The following PRIMA1 variants were observed in gnomAD, a reference collection of about 807,000 sequenced individuals.
PRIMA1 encodes the protein proline rich membrane anchor 1.
PRIMA1 carries 7 observed loss-of-function variants against 17.5 expected under a neutral mutation model. The ratio of observed to expected loss-of-function variants is 0.40; its 90% CI spans 0.23 to 0.75. The LOEUF (loss-of-function observed/expected upper bound fraction) is 0.75, where lower values mean the gene tolerates loss of function less well. Ranked by LOEUF, PRIMA1 falls within the 30% of genes least tolerant of loss-of-function variation. PRIMA1 has a pLI of 0.37. For synonymous variants in PRIMA1, 97 were observed against 77.9 expected (o/e 1.25, Z -1.29); for missense variants, 200 against 201.8 (o/e 0.99, Z 0.05).
intron 3 of PRIMA1, among the ~76,000 whole-genome samples, chr14:93,741,528 AGT>A (rs1190566104): frequency 6.6e-6 from 1 of 152,250 alleles, no homozygotes; most frequent in Non-Finnish European, 1.5e-5. Context: ...GGTGCCTGGC[AGT>A]GTGCTGGGAT....
At chr14:93,725,223 T>C (rs1381562730) in intron 4 of PRIMA1, among the ~76,000 whole-genome samples, 4 of 150,846 alleles carry the variant, frequency 2.7e-5, no homozygotes, top group Admixed American at 1.3e-4. Flanking sequence ...GCTCGGCACC[T>C]GTGGCAGGTA....
At chr14:93,749,141 C>G (rs1199635867) in intron 3 of PRIMA1, among the ~76,000 whole-genome samples, 1 of 152,192 alleles carries the variant, frequency 6.6e-6, no homozygotes, top group African/African-American at 2.4e-5. Context: ...TGTCCTGGCC[C>G]TTGGTCCCCT....
chr14:93,752,790 A>G (rs2076268372), intron 3 of PRIMA1, among the ~76,000 whole-genome samples: 1 of 152,166 alleles, frequency 6.6e-6, no homozygotes, highest in South Asian at 2.1e-4. Context: ...TGGCACTGTC[A>G]TCGAAGCCCT....
At chr14:93,779,558 G>A (rs1885322308) in intron 2 of PRIMA1, among the ~76,000 whole-genome samples, 1 of 152,168 alleles carries the variant, frequency 6.6e-6, no homozygotes, top group South Asian at 2.1e-4. Context: ...CAAGTGACCT[G>A]GATATGAATG....
At chr14:93,761,182 C>T (rs1183511324) in intron 3 of PRIMA1, among the ~76,000 whole-genome samples, 2 of 151,960 alleles carry the variant, frequency 1.3e-5, no homozygotes, top group Non-Finnish European at 2.9e-5. Context: ...CCTGTCTCTA[C>T]TAAAAATACA....
chr14:93,771,572 AC>A (rs1476106711), intron 3 of PRIMA1, among the ~76,000 whole-genome samples: 1 of 152,164 alleles, frequency 6.6e-6, no homozygotes, highest in African/African-American at 2.4e-5. Context: ...CCAAGCAGGG[AC>A]CTCCAGGTGG....
chr14:93,726,728 CAT>C lies in PRIMA1; in HGVS notation c.360-5184_360-5183del, dbSNP rs916197302. Among the ~76,000 whole-genome samples, 12 of 152,144 alleles carry C rather than the reference CAT, an allele frequency of 7.9e-5. No individual in the cohort carries two copies. The highest frequency in any genetic ancestry group is 1.9e-4 in the East Asian group (1 of 5,174). On this transcript the variant is annotated intron_variant, in intron 4 of 4. Coordinates refer to ENST00000393140, the MANE Select transcript of PRIMA1 (RefSeq NM_178013.4). This position sits in a 1 kb window ranked among gnomAD's most constrained non-coding sequence, Gnocchi z 4.2. The stretch of plus-strand genomic sequence containing the variant: ...ATACAAACATGTACTTACACACACA[CAT>C]ATATGTACACACAGGCACATACGCA...
chr14:93,721,258 G>A lies in PRIMA1; in HGVS notation c.*186C>T. The A allele has an allele frequency of 1.8e-6, 1 of 570,572 alleles. No homozygotes were observed. Among genetic ancestry groups the A allele is most frequent in the South Asian group, 2.1e-5 (1 of 46,690 alleles). The allele number at this position is 570,572 out of a possible 1,614,324, so 35.3% of individuals were successfully genotyped here. A position where few individuals can be genotyped will look rare whatever the true frequency, so the allele number is the denominator to read the frequency against. ...CCGGGCTCAGCCTGGTGTCCGAGCT[G>A]CCTGGGCCCGCAGGCTGACCAGGGG... On this transcript the variant is annotated 3_prime_UTR_variant, in exon 5 of 5. Coordinates refer to ENST00000393140, the MANE Select transcript of PRIMA1 (RefSeq NM_178013.4).
chr14:93,724,295 C>T (rs1360053375), intron 4 of PRIMA1, among the ~76,000 whole-genome samples: 2 of 152,204 alleles, frequency 1.3e-5, no homozygotes, highest in Admixed American at 6.5e-5. Flanking sequence ...TTTGCTTTAA[C>T]TCAGCATATC....
chr14:93,767,954 T>C lies in PRIMA1; in HGVS notation c.229+11222A>G, dbSNP rs866773614. On this transcript the variant is annotated intron_variant, in intron 3 of 4. Transcript: ENST00000393140. ...GGGGATGGTAGGTATGGGTTTCTTT[T>C]AGGGGTGAGGAATATGATCTGGAAT... 3.9e-4 allele frequency among the ~76,000 whole-genome samples: 60 copies of C among 152,296 alleles called. No homozygotes were observed. In the Middle Eastern group the frequency reaches 0.017, roughly 43 times the overall value.
At chr14:93,744,676 G>A (rs1451730968) in intron 3 of PRIMA1, among the ~76,000 whole-genome samples, 5 of 152,160 alleles carry the variant, frequency 3.3e-5, no homozygotes, top group African/African-American at 9.7e-5. Context: ...GCCCCCCCAC[G>A]CCTTCTCTGC....
chr14:93,725,205 G>C (rs1191801592), intron 4 of PRIMA1, among the ~76,000 whole-genome samples: 1 of 149,602 alleles, frequency 6.7e-6, no homozygotes, highest in Non-Finnish European at 1.5e-5. Flanking sequence ...ACCTGTGGCA[G>C]GTAAGGGGCT....
chr14:93,729,129 T>G (rs572392408), intron 4 of PRIMA1, among the ~76,000 whole-genome samples: 21 of 151,948 alleles, frequency 1.4e-4, no homozygotes, highest in Middle Eastern at 3.4e-3. Context: ...GGCCAAGGAG[T>G]CAGAAGATCG....
At chr14:93,771,339 C>A (rs1444528506) in intron 3 of PRIMA1, among the ~76,000 whole-genome samples, 3 of 152,168 alleles carry the variant, frequency 2.0e-5, no homozygotes, top group Admixed American at 2.0e-4. Context: ...TCTTCAACTG[C>A]AACATCAAAA....
At chr14:93,753,767 G>A (rs1327647973) in intron 3 of PRIMA1, among the ~76,000 whole-genome samples, 1 of 152,180 alleles carries the variant, frequency 6.6e-6, no homozygotes, top group Non-Finnish European at 1.5e-5. Flanking sequence ...ATAATGGAAG[G>A]AAGGTGTAGG....
rs2076202519 is a variant in PRIMA1 at position 93,744,285 on chromosome 14, G to A, written c.230-6915C>T. Among the ~76,000 whole-genome samples, 3 of 152,226 alleles carry A rather than the reference G, an allele frequency of 2.0e-5. No homozygotes were observed. In the South Asian group the frequency reaches 6.2e-4, roughly 32 times the overall value. ...GGCCACTGAGGAAGGAGTGGTGTGG[G>A]GGTGGGGCCGGCCACTCTTCTGCGG... On this transcript the variant is annotated intron_variant, in intron 3 of 4. Coordinates refer to ENST00000393140, the MANE Select transcript of PRIMA1 (RefSeq NM_178013.4).
rs1365665298 is a variant in PRIMA1 at position 93,787,711 on chromosome 14, A to G, written c.8T>C (p.Leu3Pro). The G allele has an allele frequency of 9.1e-6, 14 of 1,543,718 alleles. No homozygotes were observed. The highest frequency in any genetic ancestry group is 1.2e-5 in the Non-Finnish European group (14 of 1,146,608). The change falls in exon 2 of 5, where the codon CTC becomes CCC. Residue 3 changes from leucine (L) to proline (P), a missense_variant. By Grantham distance (98) the Leu-to-Pro change is moderately conservative. Transcript: ENST00000393140. Reference protein sequence around the residue: MLLRDLVLRRGCC... With the variant: MLPRDLVLRRGCC... ...GCCACGGCGCAGCACCAAGTCCCGG[A>G]GGAGCATCTCGGCCAGCGGCGCCCG... is the stretch of plus-strand genomic sequence containing the variant.
At chr14:93,786,055 T>G (rs1380205214) in intron 2 of PRIMA1, among the ~76,000 whole-genome samples, 3 of 152,222 alleles carry the variant, frequency 2.0e-5, no homozygotes, top group African/African-American at 7.2e-5. Flanking sequence ...CACAGCAGAA[T>G]TCTAGTCCTG....
At chr14:93,732,860 G>A (rs1595193389) in intron 4 of PRIMA1, among the ~76,000 whole-genome samples, 1 of 152,310 alleles carries the variant, frequency 6.6e-6, no homozygotes, top group East Asian at 1.9e-4. Context: ...ACAGGCCTGG[G>A]GACTTGACTC....
Sources: allele counts gnomAD v4.1 joint callset (sites outside exome capture counted in the v4.1 genomes callset), GRCh38; gene constraint gnomAD v4.1.1; non-coding constraint Gnocchi (gnomAD v3.1); transcripts MANE v1.5; gene names NCBI Gene and HGNC (gene_info 2026-07-23, HGNC 2026-07-21).